NCOR2: variants seen among roughly 807,000 people sequenced by gnomAD.
NCOR2 encodes the protein CTG repeat protein 26.
Under a neutral mutation model 262.9 loss-of-function variants are expected in NCOR2, and 81 were observed. The observed-to-expected ratio is 0.31, with a 90% CI of 0.26 to 0.37. NCOR2 has a LOEUF of 0.37. Ranked by LOEUF, NCOR2 falls within the 10% of genes least tolerant of loss-of-function variation. The pLI, the probability that NCOR2 is intolerant of heterozygous loss-of-function variation, is 1.00. For missense variants in NCOR2, 3,385 were observed against 3,621.4 expected (o/e 0.93, Z 1.68); for synonymous variants, 1,659 against 1,559.3 (o/e 1.06, Z -1.51).
At position 124,463,323 on chromosome 12, in the gene NCOR2, G is replaced by A. The variant is rs138236858; in HGVS notation, c.705+2850C>T. On this transcript the variant is annotated intron_variant, in intron 5 of 46. Coordinates refer to ENST00000405201, the Ensembl canonical transcript of NCOR2. ...CCCCTCACCCTAACGCCCTCCTTCC[G>A]GCCCACCCGCTGCCTCCAAGAAGCC... Among the ~76,000 whole-genome samples the A allele has an allele frequency of 3.8e-3, 582 of 152,218 alleles. 1 individual carries two copies. Among genetic ancestry groups the A allele is most frequent in the African/African-American group, 0.012 (513 of 41,526 alleles).
intron 7 of NCOR2, among the ~76,000 whole-genome samples, chr12:124,448,180 G>C (rs1470927607): frequency 2.0e-5 from 3 of 152,184 alleles, no homozygotes; most frequent in African/African-American, 7.2e-5. Flanking sequence ...AAACAGCCTG[G>C]ACTCAGTTGA....
At chr12:124,561,437 T>C (rs1043456690) in intron 1 of NCOR2, among the ~76,000 whole-genome samples, 7 of 152,234 alleles carry the variant, frequency 4.6e-5, no homozygotes, top group African/African-American at 1.7e-4. Flanking sequence ...CCAACAGCTT[T>C]GGGCAGTTTT....
chr12:124,433,648 C>T (rs578199094), intron 8 of NCOR2, among the ~76,000 whole-genome samples: 1 of 152,298 alleles, frequency 6.6e-6, no homozygotes, highest in South Asian at 2.1e-4. Flanking sequence ...ACCACAGTGC[C>T]ACCTGCTGTA....
At chr12:124,397,027 C>T (rs929734560) in intron 16 of NCOR2, among the ~76,000 whole-genome samples, 6 of 152,184 alleles carry the variant, frequency 3.9e-5, no homozygotes, top group Non-Finnish European at 5.9e-5. Context: ...GGCCTGCTCC[C>T]AGCCCCACAC....
intron 16 of NCOR2, among the ~76,000 whole-genome samples, chr12:124,393,152 C>T (rs902292650): frequency 1.9e-4 from 29 of 152,372 alleles, no homozygotes; most frequent in African/African-American, 7.0e-4. Context: ...TCTCGCACAG[C>T]TGGGTCAGGC....
At chr12:124,329,235 G>C (rs1056295545) in intron 44 of NCOR2, 1 of 445,206 alleles carries the variant, frequency 2.2e-6, no homozygotes, top group African/African-American at 2.0e-5. Flanking sequence ...CCCAATGTGG[G>C]TGGATCATCT....
At chr12:124,452,285 C>T (rs1401184130) in intron 6 of NCOR2, among the ~76,000 whole-genome samples, 3 of 152,218 alleles carry the variant, frequency 2.0e-5, no homozygotes, top group African/African-American at 7.2e-5. Flanking sequence ...GATGCCCATG[C>T]TGTAACCCGG....
At chr12:124,343,426 TTCAC>T (rs923020191) in intron 32 of NCOR2, among the ~76,000 whole-genome samples, 200 bp from the exon 35 acceptor site, 19 of 152,336 alleles carry the variant, frequency 1.2e-4, no homozygotes, top group East Asian at 5.8e-4. Context: ...CTTTCATCCA[TTCAC>T]TCACTCAATC....
In NCOR2 at chr12:124,434,359, C is replaced by A. The variant is rs146197277; in HGVS notation, c.882+3571G>T. ...AACAAAGAGACCATCCCAATCGCCA[C>A]CGCAGCTTCAGGGGGTGTTGAATTT... On this transcript the variant is annotated intron_variant, in intron 8 of 46. Coordinates refer to ENST00000405201, the Ensembl canonical transcript of NCOR2. Among the ~76,000 whole-genome samples, 272 of 152,300 alleles carry A rather than the reference C, an allele frequency of 1.8e-3. 1 individual carries two copies. Among genetic ancestry groups the A allele is most frequent in the Middle Eastern group, 6.8e-3 (2 of 294 alleles).
chr12:124,533,237 GAAGTA>G (rs2050942339), intron 1 of NCOR2, among the ~76,000 whole-genome samples: 1 of 151,834 alleles, frequency 6.6e-6, no homozygotes, highest in South Asian at 2.1e-4. Flanking sequence ...GGCTCAGGAA[GAAGTA>G]AAGAGGCCTC....
At chr12:124,369,647 G>C (rs976558660) in intron 20 of NCOR2, among the ~76,000 whole-genome samples, 1 of 152,090 alleles carries the variant, frequency 6.6e-6, no homozygotes, top group Non-Finnish European at 1.5e-5. Flanking sequence ...GTCCAGCCTC[G>C]TTCACTGAGA....
intron 16 of NCOR2, among the ~76,000 whole-genome samples, chr12:124,390,478 A>ACCC (rs34149760): frequency 0.014 from 1,725 of 121,032 alleles, 27 homozygotes; most frequent in African/African-American, 0.045. Context: ...CTCCAAAGTG[A>ACCC]CCCCCCCCCG....
At chr12:124,355,241 C>A (rs1023499293) in intron 24 of NCOR2, 191 bp downstream of exon 26, 1 of 680,532 alleles carries the variant, frequency 1.5e-6, no homozygotes, top group East Asian at 2.8e-5. Flanking sequence ...GACTGCAATA[C>A]AGAGTGACCC....
intron 17 of NCOR2, among the ~76,000 whole-genome samples, chr12:124,379,490 C>T (rs12318852): frequency 2.6e-5 from 4 of 152,304 alleles, no homozygotes; most frequent in Admixed American, 6.5e-5. Flanking sequence ...GCAGGGGCAT[C>T]GTGGAGGCAG....
intron 18 of NCOR2, 146 bp from the exon 21 acceptor site, chr12:124,374,609 C>A: frequency 1.3e-6 from 1 of 786,918 alleles, no homozygotes; most frequent in Non-Finnish European, 2.1e-6. Context: ...CCCGACTGCC[C>A]TTCTCCATGG....
intron 27 of NCOR2, among the ~76,000 whole-genome samples, chr12:124,353,805 C>T (rs1038308721): frequency 1.8e-4 from 28 of 152,354 alleles, no homozygotes; most frequent in African/African-American, 6.0e-4. Flanking sequence ...AGCCGCGGTA[C>T]GCTCACATTC....
chr12:124,361,833 T>G (rs78531873), intron 22 of NCOR2, among the ~76,000 whole-genome samples: 1 of 152,096 alleles, frequency 6.6e-6, no homozygotes, highest in Non-Finnish European at 1.5e-5. Flanking sequence ...GGATTTCACA[T>G]AAGATGGATT....
chr12:124,543,343 A>G (rs1372125061), intron 1 of NCOR2, among the ~76,000 whole-genome samples: 4 of 152,224 alleles, frequency 2.6e-5, no homozygotes, highest in African/African-American at 9.6e-5. Flanking sequence ...GCAAAAAACC[A>G]TGACAACGAT....
At chr12:124,508,172 G>C (rs1310376230) in intron 1 of NCOR2, among the ~76,000 whole-genome samples, 1 of 152,258 alleles carries the variant, frequency 6.6e-6, no homozygotes, top group African/African-American at 2.4e-5. Context: ...AAAGGGCCTG[G>C]ATGGGAGGAC....
Sources: allele counts gnomAD v4.1 joint callset (sites outside exome capture counted in the v4.1 genomes callset), GRCh38; gene constraint gnomAD v4.1.1; transcripts MANE v1.5; gene names NCBI Gene and HGNC (gene_info 2026-07-23, HGNC 2026-07-21).